PCDH15: variants seen among roughly 807,000 people sequenced by gnomAD.
PCDH15 encodes protocadherin related 15, also known as protocadherin-15.
Under a neutral mutation model 178.5 loss-of-function variants are expected in PCDH15, and 129 were observed. That is an observed-to-expected ratio of 0.72 (90% CI 0.63 to 0.84). PCDH15 has a LOEUF of 0.84. PCDH15 is among the 40% of genes least tolerant of loss of function. The pLI is 0.00. For missense variants in PCDH15, 2,230 were observed against 2,099.9 expected, an observed-to-expected ratio of 1.06 and a Z score of -1.21; for synonymous variants, 800 against 732.0, an observed-to-expected ratio of 1.09 and a Z score of -1.50.
At chr10:54,503,988 T>C (rs927350704) in intron 3 of PCDH15, among the ~76,000 whole-genome samples, 40 of 152,244 alleles carry the variant, frequency 2.6e-4, no homozygotes, top group African/African-American at 9.6e-4. Flanking sequence ...GGTCCAATCC[T>C]AAAATCTCAC....
At chr10:55,025,982 A>G (rs542543096) in intron 2 of PCDH15, among the ~76,000 whole-genome samples, 1 of 152,176 alleles carries the variant, frequency 6.6e-6, no homozygotes, top group African/African-American at 2.4e-5. Context: ...TAAGATGAAA[A>G]AAATACCTGG....
At position 53,821,773 on chromosome 10, in the gene PCDH15, G is replaced by C. The variant is rs912886150; in HGVS notation, c.4368-1543C>G. On this transcript the variant is annotated intron_variant, in intron 32 of 37. Transcript: ENST00000644397. ...ATTGAATTTGGGGTAAAATAATAGAGTCTTCTTTGACGTTCAAATTTGATG... is the reference window on the plus strand; with the variant it reads ...ATTGAATTTGGGGTAAAATAATAGACTCTTCTTTGACGTTCAAATTTGATG... 7 of 1,583,544 alleles carry C rather than the reference G, an allele frequency of 4.4e-6. No homozygotes were observed. In the African/African-American group the frequency reaches 6.8e-5, roughly 15 times the overall value.
chr10:54,651,404 C>A (rs1486757449), intron 2 of PCDH15, among the ~76,000 whole-genome samples: 1 of 152,058 alleles, frequency 6.6e-6, no homozygotes, highest in Non-Finnish European at 1.5e-5. Flanking sequence ...TTAGGAGATA[C>A]TTGAGAAAAG....
chr10:54,255,654 C>T (rs1354805377), intron 8 of PCDH15, among the ~76,000 whole-genome samples: 1 of 152,040 alleles, frequency 6.6e-6, no homozygotes. Flanking sequence ...TAGCCATACA[C>T]AGCAATAAAT....
intron 32 of PCDH15, among the ~76,000 whole-genome samples, chr10:53,826,073 A>G (rs982139586): frequency 2.6e-5 from 4 of 151,758 alleles, no homozygotes; most frequent in African/African-American, 9.7e-5. Flanking sequence ...TCTTTGCTTG[A>G]GAGAGGTCAT....
rs142285771 is a variant in PCDH15 at position 55,203,764 on chromosome 10, C to T, written c.-155-37113G>A. ...AAGATTCCTAATATCCACTGGAGAG[C>T]ATAGCCTGGGATAAAGATGATTTCT... On this transcript the variant is annotated intron_variant, in intron 1 of 5. Transcript: ENST00000458638. Among the ~76,000 whole-genome samples the T allele has an allele frequency of 2.9e-3, 445 of 152,172 alleles. 6 individuals are homozygous for T. The highest frequency in any genetic ancestry group is 9.9e-3 in the African/African-American group (411 of 41,466).
At chr10:54,700,784 C>A (rs2095299129) in intron 1 of PCDH15, among the ~76,000 whole-genome samples, 1 of 152,012 alleles carries the variant, frequency 6.6e-6, no homozygotes, top group South Asian at 2.1e-4. Flanking sequence ...AAGTTGGAAA[C>A]CATATTTTGG....
intron 1 of PCDH15, among the ~76,000 whole-genome samples, chr10:55,174,288 C>T (rs1306230972): frequency 5.9e-5 from 9 of 152,064 alleles, no homozygotes; most frequent in Admixed American, 2.6e-4. Context: ...CACTGAAACC[C>T]GATCTTGAAG....
chr10:54,228,173 A>G (rs755546125), intron 9 of PCDH15, among the ~76,000 whole-genome samples: 2 of 152,188 alleles, frequency 1.3e-5, no homozygotes, highest in Non-Finnish European at 2.9e-5. Flanking sequence ...CAGCTGATAA[A>G]GACATACCAG....
At chr10:55,488,450 T>C (rs2132125504) in intron 2 of PCDH15, among the ~76,000 whole-genome samples, 1 of 151,678 alleles carries the variant, frequency 6.6e-6, no homozygotes, top group African/African-American at 2.4e-5. Flanking sequence ...GTCAAATTTC[T>C]TTGGCAGAGG....
At chr10:55,105,230 C>CA (rs1842646336) in intron 2 of PCDH15, among the ~76,000 whole-genome samples, 1 of 152,086 alleles carries the variant, frequency 6.6e-6, no homozygotes, top group Admixed American at 6.6e-5. Context: ...TTTATGCATT[C>CA]ATGACATGCC....
rs908517456 is a variant in PCDH15 at position 54,033,295 on chromosome 10, T to C, written c.2221-10098A>G. On this transcript the variant is annotated intron_variant, in intron 18 of 37. Coordinates refer to ENST00000644397, the MANE Select transcript of PCDH15 (RefSeq NM_001384140.1). ...AAGAGGATTTTAAGATTTTTTTCTT[T>C]CTAATAGAACCCTTATAAATTTGTA... 3.9e-5 allele frequency among the ~76,000 whole-genome samples: 6 copies of C among 152,142 alleles called. No individual in the cohort carries two copies. In the East Asian group the frequency reaches 1.2e-3, roughly 29 times the overall value.
upstream of PCDH15, among the ~76,000 whole-genome samples, chr10:54,805,365 C>T (rs565867647): frequency 3.3e-5 from 5 of 152,108 alleles, no homozygotes; most frequent in African/African-American, 4.8e-5. Flanking sequence ...TGCCTGGGAT[C>T]GAGTCATTCT....
chr10:55,486,545 G>A (rs535967038), intron 2 of PCDH15, among the ~76,000 whole-genome samples: 6 of 151,496 alleles, frequency 4.0e-5, no homozygotes, highest in Non-Finnish European at 8.9e-5. Context: ...CTGGAGACAT[G>A]AATTAGTCTT....
intron 3 of PCDH15, among the ~76,000 whole-genome samples, chr10:54,503,671 G>A (rs1366505518): frequency 6.6e-6 from 1 of 151,688 alleles, no homozygotes; most frequent in Admixed American, 6.6e-5. Flanking sequence ...AAATCATCAG[G>A]CTGGCAAAAT....
At chr10:53,948,854 A>G (rs1318957334) in intron 23 of PCDH15, among the ~76,000 whole-genome samples, 1 of 152,002 alleles carries the variant, frequency 6.6e-6, no homozygotes, top group Admixed American at 6.6e-5. Flanking sequence ...TCACCATAGG[A>G]CTCCATTTAG....
chr10:54,457,014 C>T (rs1184071973), intron 3 of PCDH15, among the ~76,000 whole-genome samples: 5 of 152,066 alleles, frequency 3.3e-5, no homozygotes, highest in Non-Finnish European at 7.4e-5. Flanking sequence ...TACCCAGTCA[C>T]AGGTGTTTCT....
At chr10:54,818,702 C>A (rs987481870) in intron 3 of PCDH15, among the ~76,000 whole-genome samples, 3 of 151,888 alleles carry the variant, frequency 2.0e-5, no homozygotes, top group African/African-American at 7.2e-5. Flanking sequence ...GTTATTCTAA[C>A]CCCCTCCCCG....
chr10:54,814,483 C>T (rs1007061423), intron 3 of PCDH15, among the ~76,000 whole-genome samples: 3 of 152,090 alleles, frequency 2.0e-5, no homozygotes, highest in African/African-American at 7.2e-5. Flanking sequence ...TCAATGTGGT[C>T]ATTATACCAC....
Sources: allele counts gnomAD v4.1 joint callset (sites outside exome capture counted in the v4.1 genomes callset), GRCh38; gene constraint gnomAD v4.1.1; transcripts MANE v1.5; gene names NCBI Gene and HGNC (gene_info 2026-07-23, HGNC 2026-07-21).